The following KIF16B variants were observed in gnomAD, a reference collection of about 807,000 sequenced individuals.
KIF16B encodes the protein kinesin-like protein KIF16B.
Under a neutral mutation model 156.3 loss-of-function variants are expected in KIF16B, and 98 were observed. The ratio of observed to expected loss-of-function variants is 0.63; its 90% CI spans 0.53 to 0.74. The LOEUF (loss-of-function observed/expected upper bound fraction) is 0.74, where lower values mean the gene tolerates loss of function less well. Ranked by LOEUF, KIF16B falls within the 30% of genes least tolerant of loss-of-function variation. KIF16B has a pLI of 0.00. For missense variants in KIF16B, 1,421 were observed against 1,606.5 expected (o/e 0.88, Z 1.97); for synonymous variants, 564 against 583.7 (o/e 0.97, Z 0.49).
intron 1 of KIF16B, among the ~76,000 whole-genome samples, chr20:16,556,922 G>C (rs920241981): frequency 6.6e-6 from 1 of 151,726 alleles, no homozygotes; most frequent in Non-Finnish European, 1.5e-5. Flanking sequence ...ATGATCTTTT[G>C]TTCACTCACT....
At chr20:16,277,935 A>T (rs2063088461) in intron 25 of KIF16B, among the ~76,000 whole-genome samples, 1 of 152,244 alleles carries the variant, frequency 6.6e-6, no homozygotes. Flanking sequence ...GGACAGTGAC[A>T]CACCTGAGTC....
intron 1 of KIF16B, among the ~76,000 whole-genome samples, chr20:16,538,919 C>T (rs900633696): frequency 1.4e-4 from 21 of 152,112 alleles, no homozygotes; most frequent in East Asian, 3.9e-4. Flanking sequence ...CTCCGCTCGC[C>T]GCACTCTTGC....
At chr20:16,567,150 T>C (rs1600714735) in intron 1 of KIF16B, among the ~76,000 whole-genome samples, 1 of 152,190 alleles carries the variant, frequency 6.6e-6, no homozygotes, top group African/African-American at 2.4e-5. Context: ...TCATAGTATC[T>C]AGCTATGTGA....
At chr20:16,406,508 T>C (rs750212785) in intron 15 of KIF16B, 52 bp from the exon 16 acceptor site, 1 of 1,410,808 alleles carries the variant, frequency 7.1e-7, no homozygotes, top group African/African-American at 1.4e-5. Context: ...TCTGGTCAGT[T>C]GCCAATACCA....
In KIF16B at chr20:16,512,924, C is replaced by T. The variant is rs960488411; in HGVS notation, c.349-1G>A. On this transcript the variant is annotated splice_acceptor_variant, in intron 4 of 25. Coordinates refer to ENST00000354981, the MANE Select transcript of KIF16B (RefSeq NM_024704.5). LOFTEE classifies it high-confidence loss of function. ...TCCGAGGTATTAAGCCAGAATCTCC[C>T]TGCATGGGAAAGACCAATGTCACAG... is the stretch of plus-strand genomic sequence containing the variant. 3.1e-6 allele frequency: 5 copies of T among 1,602,842 alleles called. No individual in the cohort carries two copies. The African/African-American group carries it at 5.4e-5, about 17-fold the overall frequency.
chr20:16,464,390 G>T (rs1221382707), intron 12 of KIF16B, among the ~76,000 whole-genome samples: 1 of 152,132 alleles, frequency 6.6e-6, no homozygotes, highest in Non-Finnish European at 1.5e-5. Context: ...ATTTCTGACA[G>T]TTTAAAAAAC....
At chr20:16,546,583 A>C (rs1265027964) in intron 1 of KIF16B, among the ~76,000 whole-genome samples, 1 of 152,170 alleles carries the variant, frequency 6.6e-6, no homozygotes, top group African/African-American at 2.4e-5. Context: ...TGGAATCTAG[A>C]AAATAAATGT....
At chr20:16,559,908 A>C (rs2147351594) in intron 1 of KIF16B, among the ~76,000 whole-genome samples, 1 of 152,338 alleles carries the variant, frequency 6.6e-6, no homozygotes, top group South Asian at 2.1e-4. Flanking sequence ...ATTTGTATTC[A>C]AATAATGATA....
chr20:16,527,769 C>T (rs1264452498), intron 2 of KIF16B, among the ~76,000 whole-genome samples: 1 of 152,026 alleles, frequency 6.6e-6, no homozygotes, highest in Non-Finnish European at 1.5e-5. Context: ...AATTTTATAC[C>T]CCCGTTACCC....
At chr20:16,281,755 C>T (rs6131809) in intron 25 of KIF16B, among the ~76,000 whole-genome samples, 1 of 152,108 alleles carries the variant, frequency 6.6e-6, no homozygotes, top group Admixed American at 6.5e-5. Context: ...GGGTATTGAG[C>T]TGAATGAAAC....
intron 25 of KIF16B, among the ~76,000 whole-genome samples, chr20:16,299,935 T>C (rs950914093): frequency 6.6e-6 from 1 of 152,184 alleles, no homozygotes; most frequent in Non-Finnish European, 1.5e-5. Context: ...CAAATAATAC[T>C]ACAAGATAGA....
intron 23 of KIF16B, among the ~76,000 whole-genome samples, chr20:16,349,115 G>A (rs763011468): frequency 6.6e-6 from 1 of 152,194 alleles, no homozygotes; most frequent in Non-Finnish European, 1.5e-5. Context: ...CACTGGCTCT[G>A]GGCACCCTTT....
At chr20:16,371,514 TG>T in intron 21 of KIF16B, 150 bp downstream of exon 21, 2 of 537,764 alleles carry the variant, frequency 3.7e-6, no homozygotes, top group Non-Finnish European at 6.5e-6. Flanking sequence ...TTGTTTGAAC[TG>T]GGAGGTGGAG....
At chr20:16,528,233 G>T (rs2069620265) in intron 2 of KIF16B, 138 bp downstream of exon 2, 1 of 644,780 alleles carries the variant, frequency 1.6e-6, no homozygotes, top group Admixed American at 2.7e-5. Context: ...CCCAAGCCAG[G>T]TGCAAGCTGA....
chr20:16,353,433 G>T (rs1411389308), intron 23 of KIF16B, among the ~76,000 whole-genome samples: 1 of 152,058 alleles, frequency 6.6e-6, no homozygotes, highest in Non-Finnish European at 1.5e-5. Flanking sequence ...GTCATTAAGG[G>T]GACCTCACAG....
chr20:16,339,868 T>C (rs1348356305), intron 23 of KIF16B, among the ~76,000 whole-genome samples: 1 of 152,230 alleles, frequency 6.6e-6, no homozygotes, highest in African/African-American at 2.4e-5. Flanking sequence ...TGGATTATTT[T>C]TAACAGCCTC....
chr20:16,367,589 G>A (rs908756006), intron 22 of KIF16B: 3 of 1,612,698 alleles, frequency 1.9e-6, no homozygotes, highest in African/African-American at 2.7e-5. Context: ...AGCAGTAACT[G>A]AACTTCTGCC....
At chr20:16,476,178 G>A (rs374280353) in intron 12 of KIF16B, among the ~76,000 whole-genome samples, 46 of 152,248 alleles carry the variant, frequency 3.0e-4, no homozygotes, top group African/African-American at 9.9e-4. Flanking sequence ...AAACTAAAAC[G>A]CAGTCTGTAG....
intron 25 of KIF16B, among the ~76,000 whole-genome samples, chr20:16,275,956 T>C (rs779377045): frequency 6.6e-6 from 1 of 152,228 alleles, no homozygotes; most frequent in African/African-American, 2.4e-5. Context: ...TGAGATGATT[T>C]GGAAAACGGG....
Sources: allele counts gnomAD v4.1 joint callset (sites outside exome capture counted in the v4.1 genomes callset), GRCh38; gene constraint gnomAD v4.1.1; transcripts MANE v1.5; gene names NCBI Gene and HGNC (gene_info 2026-07-23, HGNC 2026-07-21).